The following B3GNT2 variants were observed in gnomAD, a reference collection of about 807,000 sequenced individuals.
The protein encoded by B3GNT2 is UDP-GlcNAc:betaGal beta-1,3-N-acetylglucosaminyltransferase 2.
In B3GNT2, 12 loss-of-function variants were observed where a neutral mutation model predicts 27.6. The observed-to-expected ratio is 0.44, with a 90% CI of 0.28 to 0.71. B3GNT2 has a LOEUF of 0.71. Ranked by LOEUF, B3GNT2 falls within the 30% of genes least tolerant of loss-of-function variation. B3GNT2 has a pLI of 0.17. For missense variants in B3GNT2, 413 were observed against 488.5 expected (o/e 0.85, Z 1.46); for synonymous variants, 192 against 189.7 (o/e 1.01, Z -0.10).
chr2:62,209,903 G>A (rs1038846949), intron 1 of B3GNT2, among the ~76,000 whole-genome samples: 5 of 152,146 alleles, frequency 3.3e-5, no homozygotes, highest in East Asian at 1.9e-4. Context: ...TCATCCTTTC[G>A]TATGAATAAT....
At chr2:62,205,595 T>C (rs865802821) in intron 1 of B3GNT2, among the ~76,000 whole-genome samples, 6 of 152,232 alleles carry the variant, frequency 3.9e-5, no homozygotes, top group Non-Finnish European at 7.3e-5. Context: ...GCTGGTTTGC[T>C]TCTTTGCCGC....
At chr2:62,201,684 A>G (rs1401651235) in intron 1 of B3GNT2, among the ~76,000 whole-genome samples, 1 of 152,192 alleles carries the variant, frequency 6.6e-6, no homozygotes, top group African/African-American at 2.4e-5. Flanking sequence ...TTAAATGTTT[A>G]TTTAGAAAAA....
intron 1 of B3GNT2, among the ~76,000 whole-genome samples, chr2:62,210,531 G>A (rs1364682864): frequency 6.6e-6 from 1 of 152,162 alleles, no homozygotes; most frequent in East Asian, 1.9e-4. Flanking sequence ...CACTTTGGGA[G>A]GCTGAAGTGG....
intron 1 of B3GNT2, among the ~76,000 whole-genome samples, chr2:62,219,555 C>T (rs781181633): frequency 2.6e-5 from 4 of 152,148 alleles, no homozygotes; most frequent in Non-Finnish European, 5.9e-5. Flanking sequence ...GCTGGGTTTA[C>T]AGGCGTGAGT....
Position 62,222,660 on chromosome 2 carries a change from CG to C in B3GNT2, c.441del (p.Ile148LeufsTer51). ...GCAAAGAAACCTTTCTTGTTGCTGG[CG>C]ATTAAGTCCCTCACTCCACATTTTG... ...KCAKKPFLLL[A>X]IKSLTPHFAR... is the part of the protein sequence containing the mutation. On this transcript the variant is annotated frameshift_variant, in exon 2 of 2. Coordinates refer to ENST00000301998, the MANE Select transcript of B3GNT2 (RefSeq NM_006577.6). LOFTEE classifies it high-confidence loss of function. This position sits in a 1 kb window ranked among gnomAD's most constrained non-coding sequence, Gnocchi z 4.2. 1 of 1,614,200 alleles carries C rather than the reference CG, an allele frequency of 6.2e-7. No individual in the cohort carries two copies. The highest frequency in any genetic ancestry group is 8.5e-7 in the Non-Finnish European group (1 of 1,180,034).
At chr2:62,207,400 C>T (rs568002394) in intron 1 of B3GNT2, among the ~76,000 whole-genome samples, 6 of 151,936 alleles carry the variant, frequency 3.9e-5, no homozygotes, top group South Asian at 2.1e-4. Flanking sequence ...GTTAGACTTA[C>T]GGTTCTTGAG....
At chr2:62,202,760 A>G (rs1674293635) in intron 1 of B3GNT2, among the ~76,000 whole-genome samples, 1 of 152,214 alleles carries the variant, frequency 6.6e-6, no homozygotes. Context: ...ACTTGAGGTT[A>G]CTTTTCTACT....
intron 1 of B3GNT2, among the ~76,000 whole-genome samples, chr2:62,210,893 G>A (rs1032118133): frequency 2.0e-5 from 3 of 152,198 alleles, no homozygotes; most frequent in Non-Finnish European, 4.4e-5. Context: ...GGTTAAGGGT[G>A]AGAGTGAGGG....
At chr2:62,201,879 G>A (rs1674271944) in intron 1 of B3GNT2, among the ~76,000 whole-genome samples, 1 of 152,160 alleles carries the variant, frequency 6.6e-6, no homozygotes, top group Admixed American at 6.5e-5. Flanking sequence ...GGCCTGCTTA[G>A]AGATGTCTAG....
intron 1 of B3GNT2, among the ~76,000 whole-genome samples, chr2:62,202,427 C>T (rs1488353156): frequency 6.6e-6 from 1 of 152,084 alleles, no homozygotes; most frequent in East Asian, 1.9e-4. Context: ...AGCAGGTGAT[C>T]CATTGGGTTT....
intron 1 of B3GNT2, among the ~76,000 whole-genome samples, chr2:62,215,947 A>G (rs555595180): frequency 6.6e-6 from 1 of 152,262 alleles, no homozygotes; most frequent in South Asian, 2.1e-4. Flanking sequence ...TGGTAGTAGG[A>G]GAAAGTGCAG....
intron 1 of B3GNT2, among the ~76,000 whole-genome samples, chr2:62,208,917 G>A (rs1403643623): frequency 1.3e-5 from 2 of 152,120 alleles, no homozygotes; most frequent in African/African-American, 4.8e-5. Flanking sequence ...GGTGGTAACA[G>A]CAAGGGGGAA....
At chr2:62,199,523 C>G (rs892547220) in intron 1 of B3GNT2, among the ~76,000 whole-genome samples, 2 of 152,188 alleles carry the variant, frequency 1.3e-5, no homozygotes, top group Non-Finnish European at 2.9e-5. Flanking sequence ...GATGTGTAAT[C>G]TATTGCAACA....
chr2:62,211,479 A>G (rs1674481483), intron 1 of B3GNT2, among the ~76,000 whole-genome samples: 1 of 152,218 alleles, frequency 6.6e-6, no homozygotes, highest in African/African-American at 2.4e-5. Flanking sequence ...CTTTAGAGAA[A>G]TTAAGTCTTC....
intron 1 of B3GNT2, among the ~76,000 whole-genome samples, chr2:62,196,944 C>G (rs894094895): frequency 1.3e-5 from 2 of 151,976 alleles, no homozygotes; most frequent in African/African-American, 4.8e-5. Context: ...TCCCCACCCC[C>G]CACCCCCAAC....
At chr2:62,210,311 T>C (rs1283955640) in intron 1 of B3GNT2, among the ~76,000 whole-genome samples, 1 of 152,164 alleles carries the variant, frequency 6.6e-6, no homozygotes, top group African/African-American at 2.4e-5. Flanking sequence ...CTCAAACTAA[T>C]TGCCTCACAT....
At chr2:62,217,163 A>G (rs910245616) in intron 1 of B3GNT2, among the ~76,000 whole-genome samples, 4 of 152,250 alleles carry the variant, frequency 2.6e-5, no homozygotes, top group African/African-American at 9.6e-5. Flanking sequence ...CAGAGCTTTT[A>G]AAAAGTTACT....
intron 1 of B3GNT2, among the ~76,000 whole-genome samples, chr2:62,221,447 C>G (rs1674690779): frequency 6.6e-6 from 1 of 152,152 alleles, no homozygotes; most frequent in South Asian, 2.1e-4. Flanking sequence ...GTCTTAATCT[C>G]TCTGCTTTGG....
At chr2:62,205,928 G>T (rs1263579346) in intron 1 of B3GNT2, 1 of 154,308 alleles carries the variant, frequency 6.5e-6, no homozygotes, top group Non-Finnish European at 1.5e-5. Context: ...CCTTTTGGGG[G>T]ATCCTGAGTG....
Sources: allele counts gnomAD v4.1 joint callset (sites outside exome capture counted in the v4.1 genomes callset), GRCh38; gene constraint gnomAD v4.1.1; non-coding constraint Gnocchi (gnomAD v3.1); transcripts MANE v1.5; gene names NCBI Gene and HGNC (gene_info 2026-07-23, HGNC 2026-07-21).